The following RIMS1 variants were observed in gnomAD, a reference collection of about 807,000 sequenced individuals.
The protein encoded by RIMS1 is regulating synaptic membrane exocytosis 1.
RIMS1 carries 83 observed loss-of-function variants against 214.1 expected under a neutral mutation model. That is an observed-to-expected ratio of 0.39 (90% CI 0.32 to 0.47). The LOEUF is 0.47. Ranked by LOEUF, RIMS1 falls within the 20% of genes least tolerant of loss-of-function variation. RIMS1 has a pLI of 0.99. For synonymous variants in RIMS1, 793 were observed against 786.8 expected (o/e 1.01, Z -0.13); for missense variants, 2,050 against 2,161.8 (o/e 0.95, Z 1.03).
chr6:72,033,289 G>C (rs1355154377), intron 2 of RIMS1, among the ~76,000 whole-genome samples: 2 of 152,196 alleles, frequency 1.3e-5, no homozygotes, highest in Non-Finnish European at 2.9e-5. Flanking sequence ...GACCTCAGTG[G>C]CAGTGTGGGG....
chr6:72,077,960 A>T (rs896103238), intron 2 of RIMS1, among the ~76,000 whole-genome samples: 2 of 152,216 alleles, frequency 1.3e-5, no homozygotes, highest in African/African-American at 4.8e-5. Context: ...TTTAGATGAT[A>T]GTGAAATTTT....
At chr6:72,381,251 A>G (rs1013519203) in intron 29 of RIMS1, among the ~76,000 whole-genome samples, 11 of 152,016 alleles carry the variant, frequency 7.2e-5, no homozygotes, top group Non-Finnish European at 1.3e-4. Context: ...CTCTTATAAG[A>G]ACACCAGTCA....
chr6:71,912,258 A>G (rs1473334891), intron 1 of RIMS1, among the ~76,000 whole-genome samples: 2 of 152,120 alleles, frequency 1.3e-5, no homozygotes, highest in African/African-American at 2.4e-5. Context: ...GTTTAAGATA[A>G]CACATTTTTG....
intron 19 of RIMS1, chr6:72,263,614 A>C: frequency 1.0e-6 from 1 of 985,374 alleles, no homozygotes; most frequent in Non-Finnish European, 1.2e-6. Flanking sequence ...ACCTATTACT[A>C]AAGATATTTG....
intron 3 of RIMS1, among the ~76,000 whole-genome samples, chr6:72,097,765 C>T (rs1442139602): frequency 6.6e-6 from 1 of 152,058 alleles, no homozygotes; most frequent in African/African-American, 2.4e-5. Context: ...CCTTATTTGG[C>T]TTAAATAAGA....
At chr6:72,035,511 A>G (rs1217991376) in intron 2 of RIMS1, among the ~76,000 whole-genome samples, 2 of 152,290 alleles carry the variant, frequency 1.3e-5, no homozygotes, top group East Asian at 3.9e-4. Flanking sequence ...TTTCTGTCTT[A>G]CTTCCTTCAG....
At chr6:71,916,200 A>G (rs1476142282) in intron 1 of RIMS1, among the ~76,000 whole-genome samples, 4 of 152,140 alleles carry the variant, frequency 2.6e-5, no homozygotes, top group Non-Finnish European at 4.4e-5. Context: ...CTCACTTCCA[A>G]TGTGAAGAGT....
intron 2 of RIMS1, among the ~76,000 whole-genome samples, chr6:71,976,788 T>C (rs1162750055): frequency 6.6e-6 from 1 of 152,158 alleles, no homozygotes; most frequent in East Asian, 1.9e-4. Flanking sequence ...TGTGTTTTTA[T>C]ACATGTGTTT....
chr6:72,145,018 T>A (rs1360436052), intron 4 of RIMS1, among the ~76,000 whole-genome samples: 4 of 152,000 alleles, frequency 2.6e-5, no homozygotes, highest in Non-Finnish European at 4.4e-5. Flanking sequence ...CTGAGTAGCA[T>A]AATTTTTCTC....
At chr6:71,930,667 A>G (rs539244239) in intron 1 of RIMS1, among the ~76,000 whole-genome samples, 1 of 152,146 alleles carries the variant, frequency 6.6e-6, no homozygotes, top group African/African-American at 2.4e-5. Flanking sequence ...TATGTCCCCT[A>G]TGATTTCCCT....
chr6:72,109,581 A>G (rs969402607), intron 4 of RIMS1, among the ~76,000 whole-genome samples: 8 of 150,548 alleles, frequency 5.3e-5, no homozygotes, highest in Admixed American at 2.0e-4. Flanking sequence ...GTTTGAGTTC[A>G]TTGTAGATTC....
At chr6:72,015,782 C>T (rs527946154) in intron 2 of RIMS1, among the ~76,000 whole-genome samples, 11 of 152,104 alleles carry the variant, frequency 7.2e-5, no homozygotes, top group African/African-American at 2.4e-4. Flanking sequence ...AAAAATTAGC[C>T]GGGCATGATG....
At chr6:72,035,460 AC>A (rs535869440) in intron 2 of RIMS1, among the ~76,000 whole-genome samples, 1 of 151,834 alleles carries the variant, frequency 6.6e-6, no homozygotes, top group African/African-American at 2.4e-5. Flanking sequence ...AGGGCATTAG[AC>A]CCCCCTCCTT....
At chr6:72,191,916 C>T (rs2050132624) in intron 6 of RIMS1, among the ~76,000 whole-genome samples, 1 of 152,176 alleles carries the variant, frequency 6.6e-6, no homozygotes, top group Non-Finnish European at 1.5e-5. Context: ...TCGATGATGG[C>T]ACTAATCTCT....
chr6:72,304,861 C>T (rs182397087), intron 26 of RIMS1, among the ~76,000 whole-genome samples: 32 of 151,824 alleles, frequency 2.1e-4, no homozygotes, highest in African/African-American at 7.5e-4. Context: ...TGTTGGAATC[C>T]GAGAGCAAGA....
chr6:72,177,134 T>C (rs1201032363), intron 4 of RIMS1, among the ~76,000 whole-genome samples: 3 of 152,242 alleles, frequency 2.0e-5, no homozygotes, highest in Non-Finnish European at 4.4e-5. Context: ...TTAGCTTTAT[T>C]CAATTTTAGA....
chr6:72,212,848 G>A (rs920680061), intron 6 of RIMS1: 11 of 1,105,418 alleles, frequency 1.0e-5, no homozygotes, highest in Non-Finnish European at 1.2e-5. Context: ...CAGGCCCACC[G>A]AAGCTTGTCT....
At chr6:72,113,154 C>G (rs1156321565) in intron 4 of RIMS1, among the ~76,000 whole-genome samples, 2 of 152,114 alleles carry the variant, frequency 1.3e-5, no homozygotes, top group African/African-American at 2.4e-5. Context: ...TTTTTCTGCC[C>G]TCACCCACTT....
chr6:72,278,758 G>C (rs1459121290), intron 23 of RIMS1, among the ~76,000 whole-genome samples: 4 of 151,942 alleles, frequency 2.6e-5, no homozygotes. Flanking sequence ...TATACAGGAA[G>C]GTAAATGTAT....
Sources: allele counts gnomAD v4.1 joint callset (sites outside exome capture counted in the v4.1 genomes callset), GRCh38; gene constraint gnomAD v4.1.1; transcripts MANE v1.5; gene names NCBI Gene and HGNC (gene_info 2026-07-23, HGNC 2026-07-21).